The following KALRN variants were observed in gnomAD, a reference collection of about 807,000 sequenced individuals.
KALRN encodes the protein kalirin RhoGEF kinase, also known as kalirin.
A neutral mutation model predicts 353.7 loss-of-function variants in KALRN; 70 were observed. The ratio of observed to expected loss-of-function variants is 0.20; its 90% CI spans 0.16 to 0.24. The LOEUF (loss-of-function observed/expected upper bound fraction) is 0.24, where lower values mean the gene tolerates loss of function less well. Ranked by LOEUF, KALRN falls within the 10% of genes least tolerant of loss-of-function variation. The probability of loss-of-function intolerance (pLI) is 1.00; values close to 1 mark genes in which losing one functional copy is unlikely to be tolerated. For missense variants in KALRN, 2,791 were observed against 3,756.7 expected, an observed-to-expected ratio of 0.74 and a Z score of 6.72; for synonymous variants, 1,391 against 1,434.8, an observed-to-expected ratio of 0.97 and a Z score of 0.69.
chr3:124,533,102 T>C (rs1230674037), intron 33 of KALRN, among the ~76,000 whole-genome samples: 1 of 151,410 alleles, frequency 6.6e-6, no homozygotes, highest in African/African-American at 2.4e-5. Flanking sequence ...TAAAAAATTG[T>C]TTATGGCTGG....
At chr3:124,277,245 T>G (rs9821276) in intron 5 of KALRN, among the ~76,000 whole-genome samples, 80,315 of 152,018 alleles carry the variant, frequency 0.53, 21,780 homozygotes, top group East Asian at 0.68. Flanking sequence ...GACCTTCGGG[T>G]TGGCCAGAAG....
intron 1 of KALRN, among the ~76,000 whole-genome samples, chr3:124,182,892 C>T (rs898498086): frequency 1.3e-5 from 2 of 152,142 alleles, no homozygotes; most frequent in African/African-American, 2.4e-5. Context: ...GATTTTCATA[C>T]TGAAAACACA....
chr3:124,261,936 A>C (rs1421692283), intron 3 of KALRN, among the ~76,000 whole-genome samples: 1 of 152,224 alleles, frequency 6.6e-6, no homozygotes, highest in East Asian at 1.9e-4. Flanking sequence ...GATGGACAAA[A>C]GAGCTGATCA....
chr3:124,211,379 A>G (rs926385098), intron 1 of KALRN, among the ~76,000 whole-genome samples: 1 of 152,258 alleles, frequency 6.6e-6, no homozygotes, highest in Non-Finnish European at 1.5e-5. Context: ...CTATAAGAAA[A>G]ATGACTCAAA....
chr3:124,556,127 T>C (rs114251323), intron 33 of KALRN, among the ~76,000 whole-genome samples: 3,113 of 152,288 alleles, frequency 0.02, 50 homozygotes, highest in Middle Eastern at 0.065. Flanking sequence ...TCCTGCATTC[T>C]TCCCACTATT....
At chr3:124,683,119 T>C (rs1336406898) in intron 51 of KALRN, among the ~76,000 whole-genome samples, 1 of 152,124 alleles carries the variant, frequency 6.6e-6, no homozygotes, top group Non-Finnish European at 1.5e-5. Context: ...AAAGAGATGT[T>C]TCTACATGGA....
chr3:124,273,071 G>A (rs1392796967), intron 5 of KALRN, among the ~76,000 whole-genome samples: 1 of 152,228 alleles, frequency 6.6e-6, no homozygotes, highest in Non-Finnish European at 1.5e-5. Context: ...AGAGGTGGGC[G>A]CAGTCTCGCC....
intron 45 of KALRN, among the ~76,000 whole-genome samples, chr3:124,665,810 A>G (rs2085535588): frequency 6.6e-6 from 1 of 152,236 alleles, no homozygotes; most frequent in Non-Finnish European, 1.5e-5. Flanking sequence ...AGTATCTACC[A>G]GCTTATAAAA....
At chr3:124,566,150 A>T (rs751307999) in intron 34 of KALRN, among the ~76,000 whole-genome samples, 10 of 152,160 alleles carry the variant, frequency 6.6e-5, no homozygotes, top group Non-Finnish European at 1.2e-4. Context: ...GTGAGGTCTT[A>T]CTATCTTCTC....
intron 1 of KALRN, among the ~76,000 whole-genome samples, chr3:124,091,298 C>T (rs116709693): frequency 4.9e-4 from 74 of 152,162 alleles, no homozygotes; most frequent in Admixed American, 1.4e-3. Flanking sequence ...TTTGCAGATA[C>T]CAGCAACTAT....
chr3:124,566,451 G>C (rs866577097), intron 34 of KALRN, among the ~76,000 whole-genome samples: 9 of 151,416 alleles, frequency 5.9e-5, no homozygotes, highest in African/African-American at 2.2e-4. Context: ...GCTGCAGTGA[G>C]CCATGATCAT....
intron 1 of KALRN, among the ~76,000 whole-genome samples, chr3:124,051,984 A>G (rs1179113521): frequency 2.0e-5 from 3 of 152,186 alleles, no homozygotes; most frequent in Non-Finnish European, 4.4e-5. Flanking sequence ...GAAGGTCTCT[A>G]ATGCGTCTTC....
intron 11 of KALRN, among the ~76,000 whole-genome samples, chr3:124,386,919 TGAG>T (rs1394806675): frequency 6.6e-6 from 1 of 152,204 alleles, no homozygotes; most frequent in East Asian, 1.9e-4. Context: ...CATTTTTAAA[TGAG>T]GAGACTAAGC....
At chr3:124,155,674 G>T (rs1035376228) in intron 1 of KALRN, among the ~76,000 whole-genome samples, 2 of 152,324 alleles carry the variant, frequency 1.3e-5, no homozygotes. Context: ...GGAATTTAAA[G>T]AAATGCAATA....
chr3:124,047,491 CTTTT>C (rs33947722), intron 1 of KALRN, among the ~76,000 whole-genome samples: 3 of 108,506 alleles, frequency 2.8e-5, no homozygotes. Context: ...TCATAGAACA[CTTTT>C]TTTTTTTTTT....
At chr3:124,644,974 T>C (rs150014184) in intron 37 of KALRN, among the ~76,000 whole-genome samples, 52,844 of 152,050 alleles carry the variant, frequency 0.35, 9,387 homozygotes, top group East Asian at 0.47. Flanking sequence ...TTCTCCACAT[T>C]CTCTCCAGGA....
intron 1 of KALRN, among the ~76,000 whole-genome samples, chr3:124,065,270 C>T (rs1012536564): frequency 6.6e-6 from 1 of 152,132 alleles, no homozygotes; most frequent in African/African-American, 2.4e-5. Flanking sequence ...AACACTGCAA[C>T]AATTTTAGCA....
intron 1 of KALRN, among the ~76,000 whole-genome samples, chr3:124,157,175 A>G (rs191513112): frequency 2.0e-5 from 3 of 152,348 alleles, no homozygotes; most frequent in Middle Eastern, 3.4e-3. Context: ...AGGAAGTCAG[A>G]GCTGGAAGAC....
intron 1 of KALRN, among the ~76,000 whole-genome samples, chr3:124,137,701 A>C (rs2066095968): frequency 6.6e-6 from 1 of 152,198 alleles, no homozygotes; most frequent in Non-Finnish European, 1.5e-5. Context: ...TACCCTTTCC[A>C]GAAATACTGG....
Sources: allele counts gnomAD v4.1 joint callset (sites outside exome capture counted in the v4.1 genomes callset), GRCh38; gene constraint gnomAD v4.1.1; transcripts MANE v1.5; gene names NCBI Gene and HGNC (gene_info 2026-07-23, HGNC 2026-07-21).